Variants in AGTPBP1 observed in about 807,000 individuals in gnomAD.
AGTPBP1 encodes cytosolic carboxypeptidase 1.
A neutral mutation model predicts 143.9 loss-of-function variants in AGTPBP1; 70 were observed. That is an observed-to-expected ratio of 0.49 (90% CI 0.40 to 0.59). AGTPBP1 has a LOEUF of 0.59. AGTPBP1 is among the 20% of genes least tolerant of loss of function. The pLI is 0.00. For missense variants in AGTPBP1, 1,229 were observed against 1,464.5 expected (o/e 0.84, Z 2.62); for synonymous variants, 463 against 500.2 (o/e 0.93, Z 0.99).
At chr9:85,601,444 CT>C (rs1444054249) in intron 17 of AGTPBP1, among the ~76,000 whole-genome samples, 1 of 152,204 alleles carries the variant, frequency 6.6e-6, no homozygotes, top group Non-Finnish European at 1.5e-5. Flanking sequence ...TCAACCAGCG[CT>C]GGCACCTGAG....
At chr9:85,744,289 A>G (rs1824557489), upstream of AGTPBP1, among the ~76,000 whole-genome samples, 1 of 152,162 alleles carries the variant, frequency 6.6e-6, no homozygotes, top group African/African-American at 2.4e-5. Flanking sequence ...TTGAACAACT[A>G]GGTTTTAATA....
intron 1 of AGTPBP1, among the ~76,000 whole-genome samples, chr9:85,729,666 A>G (rs1459625738): frequency 6.6e-6 from 1 of 152,118 alleles, no homozygotes; most frequent in Non-Finnish European, 1.5e-5. Flanking sequence ...TTAAATACAT[A>G]AGAAACACAA....
intron 1 of AGTPBP1, among the ~76,000 whole-genome samples, chr9:85,721,527 A>G (rs1340712783): frequency 7.1e-6 from 1 of 141,534 alleles, no homozygotes; most frequent in African/African-American, 2.7e-5. Flanking sequence ...TGCTTGGTAG[A>G]TCTTCCTCCA....
At chr9:85,708,595 T>TGG (rs1173598121) in intron 2 of AGTPBP1, among the ~76,000 whole-genome samples, 2 of 152,242 alleles carry the variant, frequency 1.3e-5, no homozygotes, top group Non-Finnish European at 2.9e-5. Flanking sequence ...CGGAGTGCAA[T>TGG]GGCACTGTGT....
At chr9:85,606,437 T>C (rs1022766186) in intron 17 of AGTPBP1, among the ~76,000 whole-genome samples, 1 of 150,102 alleles carries the variant, frequency 6.7e-6, no homozygotes, top group African/African-American at 2.4e-5. Context: ...AAAAGAGAAC[T>C]CTTACATACT....
intron 25 of AGTPBP1, among the ~76,000 whole-genome samples, chr9:85,562,707 C>T (rs1001672127): frequency 6.6e-6 from 1 of 152,172 alleles, no homozygotes; most frequent in Non-Finnish European, 1.5e-5. Context: ...AAGTCTCTTA[C>T]CTTTTTCTTA....
At chr9:85,738,831 TCTGCACTAATA>T (rs1824006176) in intron 1 of AGTPBP1, among the ~76,000 whole-genome samples, 1 of 152,060 alleles carries the variant, frequency 6.6e-6, no homozygotes, top group African/African-American at 2.4e-5. Context: ...GTGGAATTAA[TCTGCACTAATA>T]CTGCTCCATC....
chr9:85,706,047 T>C (rs1160320482), intron 2 of AGTPBP1, among the ~76,000 whole-genome samples: 1 of 151,310 alleles, frequency 6.6e-6, no homozygotes, highest in African/African-American at 2.4e-5. Context: ...TAGACTATGA[T>C]AAGTATACTA....
the AGTPBP1 span, among the ~76,000 whole-genome samples, chr9:85,780,901 G>C: frequency 6.6e-6 from 1 of 152,164 alleles, no homozygotes; most frequent in Non-Finnish European, 1.5e-5. Context: ...CAGTTCACGA[G>C]GTCAGGAGAT....
At chr9:85,753,479 G>A in the AGTPBP1 span, 2 of 1,599,062 alleles carry the variant, frequency 1.3e-6, no homozygotes, top group Non-Finnish European at 1.7e-6. Flanking sequence ...TGTCTAAATA[G>A]AGGTAAACTC....
At chr9:85,685,620 G>T (rs1835443151) in intron 3 of AGTPBP1, among the ~76,000 whole-genome samples, 1 of 151,936 alleles carries the variant, frequency 6.6e-6, no homozygotes. Flanking sequence ...CTGAACTACT[G>T]GAAGTGACAA....
chr9:85,548,913 G>A (rs1223308152), intron 25 of AGTPBP1, among the ~76,000 whole-genome samples: 1 of 152,132 alleles, frequency 6.6e-6, no homozygotes, highest in Non-Finnish European at 1.5e-5. Flanking sequence ...GACCTCAAGT[G>A]ATCCGCCTGC....
intron 2 of AGTPBP1, among the ~76,000 whole-genome samples, chr9:85,705,077 T>A (rs1406914975): frequency 1.3e-5 from 2 of 151,816 alleles, no homozygotes; most frequent in Non-Finnish European, 2.9e-5. Flanking sequence ...AGGAAAGACA[T>A]ATACATTTCA....
rs1491203442 is a variant in AGTPBP1 at position 85,668,967 on chromosome 9, A to ATATGTGTGTGTG, written c.662+517_662+518insCACACACACATA. Reference sequence around the variant, plus strand: ...TGAATAAAAATACATACATACATACATGTGTGTGTGTGTGTGTGTGTGTGT... The same window carrying ATATGTGTGTGTG: ...TGAATAAAAATACATACATACATACATATGTGTGTGTGTGTGTGTGTGTGTGTGTGTGTGTGT... On this transcript the variant is annotated intron_variant, in intron 8 of 25. Transcript: ENST00000357081. 1.7e-3 allele frequency among the ~76,000 whole-genome samples: 199 copies of ATATGTGTGTGTG among 114,434 alleles called. 5 individuals carry two copies. The highest frequency in any genetic ancestry group is 5.7e-3 in the African/African-American group (182 of 31,710). 75.1% of individuals were successfully genotyped at this position (114,434 alleles called of 152,430 possible).
chr9:85,708,082 A>T (rs924246801), intron 2 of AGTPBP1, among the ~76,000 whole-genome samples: 3 of 152,172 alleles, frequency 2.0e-5, no homozygotes, highest in Non-Finnish European at 2.9e-5. Context: ...TAATAATTTT[A>T]AAAAAAGAAG....
chr9:85,760,653 A>G, the AGTPBP1 span, among the ~76,000 whole-genome samples: 2 of 152,208 alleles, frequency 1.3e-5, no homozygotes, highest in Admixed American at 1.3e-4. Flanking sequence ...ACAAACCCAC[A>G]GCCAATATCG....
chr9:85,700,957 G>T (rs759530089), intron 2 of AGTPBP1, among the ~76,000 whole-genome samples: 1 of 151,368 alleles, frequency 6.6e-6, no homozygotes. Context: ...TTGTTCTGTC[G>T]CCCAGGCTGG....
Position 85,741,909 on chromosome 9 carries a change from G to A in AGTPBP1, c.-168C>T, listed in dbSNP as rs1824333003. On this transcript the variant is annotated 5_prime_UTR_variant, in exon 1 of 26. Coordinates refer to ENST00000357081, the MANE Select transcript of AGTPBP1 (RefSeq NM_001330701.2). ...CCCCGGTGGCAGGCGAGGCGGAGGCGGCGGCGGCGGCAGCTGCGGCGGCGG... is the reference window on the plus strand; with the variant it reads ...CCCCGGTGGCAGGCGAGGCGGAGGCAGCGGCGGCGGCAGCTGCGGCGGCGG... 5.3e-6 allele frequency: 7 copies of A among 1,317,024 alleles called. No individual in the cohort carries two copies. The highest frequency in any genetic ancestry group is 4.0e-5 in the Admixed American group (1 of 25,300). 81.6% of individuals were successfully genotyped at this position (1,317,024 alleles called of 1,614,324 possible).
In AGTPBP1 at chr9:85,619,024, T is replaced by C; in HGVS notation, c.2294A>G (p.Asn765Ser). 1 of 1,613,796 alleles carries C rather than the reference T, an allele frequency of 6.2e-7. No individual in the cohort carries two copies. The highest frequency in any genetic ancestry group is 2.2e-5 in the East Asian group (1 of 44,804). Residue 765 changes from asparagine to serine, a missense_variant, in exon 17 of 26, where the codon AAC becomes AGC. Physicochemically the swap from Asn to Ser is conservative, Grantham distance 46. This residue lies in a region of AGTPBP1 where 486 missense variants were observed against 652.3 expected (regional missense o/e 0.75). Transcript: ENST00000357081. ...GTTGGACTTTTCACAGTTAATGATG[T>C]TAAACCTGTAAGCAACACCTGGTCG... Reference protein sequence around the residue: ...GMRPGVAYRFNIINCEKSNSQ... With the variant: ...GMRPGVAYRFSIINCEKSNSQ...
Sources: gnomAD v4.1 joint callset for allele counts (sites outside exome capture counted in the v4.1 genomes callset) on GRCh38, gnomAD v4.1.1 for gene constraint, gnomAD v4.1.1 regional missense constraint, MANE v1.5 for transcripts, NCBI Gene and HGNC (gene_info 2026-07-23, HGNC 2026-07-21) for gene names.